Variants in NRG3 observed in about 807,000 individuals in gnomAD.
NRG3 encodes the protein neuregulin 3.
A neutral mutation model predicts 66.9 loss-of-function variants in NRG3; 31 were observed. That is an observed-to-expected ratio of 0.46 (90% CI 0.35 to 0.63). The LOEUF is 0.63. Ranked by LOEUF, NRG3 falls within the 20% of genes least tolerant of loss-of-function variation. The pLI is 0.00. For synonymous variants in NRG3, 393 were observed against 359.4 expected, an observed-to-expected ratio of 1.09 and a Z score of -1.06; for missense variants, 910 against 878.9, an observed-to-expected ratio of 1.04 and a Z score of -0.45.
At chr10:82,502,164 G>A (rs1224659836) in intron 2 of NRG3, among the ~76,000 whole-genome samples, 1 of 151,854 alleles carries the variant, frequency 6.6e-6, no homozygotes, top group African/African-American at 2.4e-5. Context: ...AAAAATTAGG[G>A]TTTTTTTTGT....
intron 1 of NRG3, among the ~76,000 whole-genome samples, chr10:82,255,821 C>G (rs1332852482): frequency 6.6e-6 from 1 of 152,080 alleles, no homozygotes; most frequent in African/African-American, 2.4e-5. Flanking sequence ...CCAGGGTGGT[C>G]TCAAACTCCT....
intron 2 of NRG3, among the ~76,000 whole-genome samples, chr10:82,449,467 G>T (rs181259007): frequency 1.3e-5 from 2 of 152,204 alleles, no homozygotes; most frequent in African/African-American, 4.8e-5. Context: ...ATTTGCCTTA[G>T]CTTGCGGCTG....
At chr10:82,302,437 T>C (rs2080456077) in intron 1 of NRG3, among the ~76,000 whole-genome samples, 1 of 152,138 alleles carries the variant, frequency 6.6e-6, no homozygotes, top group African/African-American at 2.4e-5. Flanking sequence ...AAAATTCTGC[T>C]GAACAATAAT....
chr10:82,292,477 C>T (rs1295724636), intron 1 of NRG3, among the ~76,000 whole-genome samples: 1 of 152,142 alleles, frequency 6.6e-6, no homozygotes, highest in East Asian at 1.9e-4. Context: ...AGTACTTGCA[C>T]TCTTGCATAT....
intron 3 of NRG3, among the ~76,000 whole-genome samples, chr10:82,763,337 T>C (rs2059397338): frequency 6.6e-6 from 1 of 152,082 alleles, no homozygotes; most frequent in South Asian, 2.1e-4. Context: ...TAAAGAAATA[T>C]CCATTTATCC....
chr10:81,879,213 C>T lies in NRG3; in HGVS notation c.823+3050C>T, dbSNP rs536906553. ...TTGCTTGCACTTCAGACTCTAAAAA[C>T]GAATGTCTTAAACATATCGCCAGGG... On this transcript the variant is annotated intron_variant, in intron 1 of 8. Coordinates refer to ENST00000372141, the MANE Select transcript of NRG3 (RefSeq NM_001010848.4). Among the ~76,000 whole-genome samples, 13 of 152,264 alleles carry T rather than the reference C, an allele frequency of 8.5e-5. No individual in the cohort carries two copies. The South Asian group carries it at 1.9e-3, about 22-fold the overall frequency.
chr10:82,623,211 T>C (rs1037809148), intron 2 of NRG3, among the ~76,000 whole-genome samples: 3 of 152,186 alleles, frequency 2.0e-5, no homozygotes, highest in African/African-American at 7.2e-5. Context: ...TTTGGGACAC[T>C]TCGTTTTAAA....
chr10:82,435,086 C>T (rs368113460), intron 2 of NRG3, among the ~76,000 whole-genome samples: 6 of 151,748 alleles, frequency 4.0e-5, no homozygotes, highest in South Asian at 4.2e-4. Context: ...GGCTTTTTTT[C>T]GTTGGTAGGC....
intron 2 of NRG3, among the ~76,000 whole-genome samples, chr10:82,477,435 A>G (rs956588045): frequency 1.3e-5 from 2 of 152,212 alleles, no homozygotes; most frequent in Non-Finnish European, 2.9e-5. Flanking sequence ...ACTGGATTGT[A>G]TTATTATCCC....
chr10:82,452,797 C>A (rs1245283310), intron 2 of NRG3, among the ~76,000 whole-genome samples: 1 of 152,076 alleles, frequency 6.6e-6, no homozygotes, highest in Non-Finnish European at 1.5e-5. Context: ...TGTCATATAA[C>A]TGTCAAGTCT....
intron 4 of NRG3, among the ~76,000 whole-genome samples, chr10:82,889,362 A>T (rs919829534): frequency 6.6e-6 from 1 of 152,202 alleles, no homozygotes; most frequent in African/African-American, 2.4e-5. Flanking sequence ...GTAACTGAAA[A>T]GATGTTTTGA....
At chr10:81,917,701 C>T (rs1254625139) in intron 1 of NRG3, among the ~76,000 whole-genome samples, 2 of 152,168 alleles carry the variant, frequency 1.3e-5, no homozygotes, top group African/African-American at 2.4e-5. Flanking sequence ...ACTGGTTTAT[C>T]ATCCAGCACA....
At chr10:82,881,185 CCTG>C (rs1351201245) in intron 4 of NRG3, among the ~76,000 whole-genome samples, 30 of 152,224 alleles carry the variant, frequency 2.0e-4, no homozygotes, top group African/African-American at 7.2e-4. Flanking sequence ...CAGGATGGAT[CCTG>C]CTGTCAGAGC....
At chr10:82,932,863 G>A (rs572100108) in intron 4 of NRG3, among the ~76,000 whole-genome samples, 3 of 152,086 alleles carry the variant, frequency 2.0e-5, no homozygotes, top group African/African-American at 4.8e-5. Flanking sequence ...GTAAATGACG[G>A]TTTCTTCCTC....
intron 2 of NRG3, among the ~76,000 whole-genome samples, chr10:82,623,606 G>A (rs958649412): frequency 7.9e-5 from 12 of 152,164 alleles, no homozygotes; most frequent in African/African-American, 2.9e-4. Context: ...CAGCCAAATT[G>A]TAGTACCTGT....
chr10:82,758,299 GTT>G (rs1236505076), intron 3 of NRG3, among the ~76,000 whole-genome samples: 5 of 152,074 alleles, frequency 3.3e-5, no homozygotes, highest in Non-Finnish European at 5.9e-5. Context: ...TAAAAAGCAA[GTT>G]TTGGAGAGCA....
At chr10:82,931,450 G>A (rs1847569296) in intron 4 of NRG3, among the ~76,000 whole-genome samples, 1 of 152,074 alleles carries the variant, frequency 6.6e-6, no homozygotes, top group African/African-American at 2.4e-5. Flanking sequence ...AAGCTGTCTT[G>A]GGATCTTCAG....
chr10:82,133,626 G>A (rs1251105368), intron 1 of NRG3, among the ~76,000 whole-genome samples: 2 of 152,122 alleles, frequency 1.3e-5, no homozygotes, highest in African/African-American at 2.4e-5. Flanking sequence ...ATTCCATGGT[G>A]TATATGTACC....
intron 2 of NRG3, among the ~76,000 whole-genome samples, chr10:82,584,772 A>G (rs1359088874): frequency 6.6e-6 from 1 of 152,152 alleles, no homozygotes; most frequent in African/African-American, 2.4e-5. Flanking sequence ...TGATGCTTTG[A>G]CAGAACGCCA....
Sources: gnomAD v4.1 joint callset for allele counts (sites outside exome capture counted in the v4.1 genomes callset) on GRCh38, gnomAD v4.1.1 for gene constraint, MANE v1.5 for transcripts, NCBI Gene and HGNC (gene_info 2026-07-23, HGNC 2026-07-21) for gene names.